Variants in MCM9 observed in about 807,000 individuals in gnomAD.
The protein encoded by MCM9 is DNA helicase MCM9.
In MCM9, 55 loss-of-function variants were observed where a neutral mutation model predicts 72.8. The ratio of observed to expected loss-of-function variants is 0.76; its 90% CI spans 0.61 to 0.95. The LOEUF (loss-of-function observed/expected upper bound fraction) is 0.95, where lower values mean the gene tolerates loss of function less well. Ranked by LOEUF, MCM9 falls within the 40% of genes least tolerant of loss-of-function variation. The pLI is 0.00. For synonymous variants in MCM9, 480 were observed against 503.4 expected, an observed-to-expected ratio of 0.95 and a Z score of 0.62; for missense variants, 1,279 against 1,377.0, an observed-to-expected ratio of 0.93 and a Z score of 1.13.
At chr6:118,927,152 T>C (rs993920239) in intron 3 of MCM9, among the ~76,000 whole-genome samples, 3 of 152,226 alleles carry the variant, frequency 2.0e-5, no homozygotes, top group African/African-American at 7.2e-5. Flanking sequence ...CAGATGCAAA[T>C]TGATTGTTCA....
chr6:118,818,321 A>G (rs777827963), intron 13 of MCM9, among the ~76,000 whole-genome samples: 2 of 152,118 alleles, frequency 1.3e-5, no homozygotes, highest in Admixed American at 6.5e-5. Flanking sequence ...TGTAAGGAGC[A>G]GGTCCAGTTT....
chr6:118,814,513 C>T lies in MCM9; in HGVS notation c.*311G>A, dbSNP rs1191535476. On this transcript the variant is annotated 3_prime_UTR_variant, in exon 14 of 14. Transcript: ENST00000619706. ...ATTAATCTAGGGAAGAACCTCTCCC[C>T]CTTAAAAACAAAACAAAACAAAAAA... is the stretch of plus-strand genomic sequence containing the variant. The T allele has an allele frequency of 1.4e-5, 3 of 215,012 alleles. No homozygotes were observed. Among genetic ancestry groups the T allele is most frequent in the Non-Finnish European group, 2.7e-5 (3 of 110,246 alleles). The allele number at this position is 215,012 out of a possible 1,614,324, so 13.3% of individuals were successfully genotyped here. A position where few individuals can be genotyped will look rare whatever the true frequency, so the allele number is the denominator to read the frequency against.
At chr6:118,911,877 G>C (rs1780581548) in intron 7 of MCM9, 108 bp from the exon 8 acceptor site, 1 of 746,806 alleles carries the variant, frequency 1.3e-6, no homozygotes. Context: ...ACATAGGGTC[G>C]TTTGAGAAAG....
At chr6:118,929,065 C>A (rs867901018) in intron 3 of MCM9, among the ~76,000 whole-genome samples, 46 of 150,636 alleles carry the variant, frequency 3.1e-4, no homozygotes, top group African/African-American at 1.0e-3. Flanking sequence ...ACCAAAAATA[C>A]AAAAATTAGC....
intron 5 of MCM9, chr6:118,921,718 T>C (rs1169183807): frequency 8.1e-6 from 2 of 246,854 alleles, no homozygotes; most frequent in Non-Finnish European, 7.7e-6. Context: ...TAGACATCAG[T>C]GGTTCTGGAT....
At chr6:118,916,705 T>C (rs193062440) in intron 6 of MCM9, among the ~76,000 whole-genome samples, 30 of 152,252 alleles carry the variant, frequency 2.0e-4, no homozygotes, top group Admixed American at 1.2e-3. Flanking sequence ...TTTCACCATG[T>C]TGGCCAGGCT....
intron 8 of MCM9, among the ~76,000 whole-genome samples, chr6:118,857,063 T>C (rs1776606838): frequency 6.6e-6 from 1 of 152,158 alleles, no homozygotes; most frequent in Non-Finnish European, 1.5e-5. Flanking sequence ...GTAAGGTGTG[T>C]TCTCCAGTAT....
At chr6:118,868,709 CAAT>C (rs1302003922) in intron 8 of MCM9, among the ~76,000 whole-genome samples, 1 of 152,170 alleles carries the variant, frequency 6.6e-6, no homozygotes, top group African/African-American at 2.4e-5. Flanking sequence ...ATGAAAACCA[CAAT>C]GAGATACCAT....
intron 8 of MCM9, among the ~76,000 whole-genome samples, chr6:118,886,368 GAA>G (rs1778601496): frequency 6.8e-6 from 1 of 147,592 alleles, no homozygotes; most frequent in Non-Finnish European, 1.5e-5. Context: ...GAGAGAGAGA[GAA>G]AGAAAAAGAA....
chr6:118,817,319 T>A (rs894580800), intron 13 of MCM9, among the ~76,000 whole-genome samples: 1 of 151,316 alleles, frequency 6.6e-6, no homozygotes, highest in Admixed American at 6.6e-5. Flanking sequence ...CCCCAGTGTG[T>A]GACATTCTCC....
intron 8 of MCM9, among the ~76,000 whole-genome samples, chr6:118,906,944 C>T (rs993721860): frequency 1.4e-4 from 22 of 152,144 alleles, no homozygotes; most frequent in African/African-American, 5.3e-4. Flanking sequence ...ACAAAAGAAA[C>T]AGGACTGTTT....
At chr6:118,877,749 G>A (rs1376419265) in intron 8 of MCM9, among the ~76,000 whole-genome samples, 3 of 152,152 alleles carry the variant, frequency 2.0e-5, no homozygotes, top group Non-Finnish European at 2.9e-5. Context: ...AGGTAAAAGA[G>A]GGCTCATCAT....
intron 9 of MCM9, among the ~76,000 whole-genome samples, chr6:118,836,852 C>G (rs1019692095): frequency 6.6e-6 from 1 of 152,088 alleles, no homozygotes; most frequent in African/African-American, 2.4e-5. Flanking sequence ...CAGTTTTGCT[C>G]TGATCTTAGT....
At chr6:118,816,681 A>G (rs1253180154) in intron 13 of MCM9, among the ~76,000 whole-genome samples, 1 of 152,238 alleles carries the variant, frequency 6.6e-6, no homozygotes, top group Non-Finnish European at 1.5e-5. Context: ...CTACCCACAC[A>G]GTAGCTGATT....
intron 8 of MCM9, among the ~76,000 whole-genome samples, chr6:118,884,574 C>T (rs1778484524): frequency 6.6e-6 from 1 of 151,586 alleles, no homozygotes; most frequent in African/African-American, 2.4e-5. Flanking sequence ...AGGAATGCAA[C>T]CGTATCAGTA....
chr6:118,888,559 A>G (rs1303484525), intron 8 of MCM9, among the ~76,000 whole-genome samples: 2 of 152,196 alleles, frequency 1.3e-5, no homozygotes, highest in Non-Finnish European at 2.9e-5. Flanking sequence ...TTACCCAGCA[A>G]TTCCACTCCT....
intron 7 of MCM9, 156 bp from the exon 8 acceptor site, chr6:118,911,925 A>G (rs1780584617): frequency 3.5e-6 from 2 of 574,548 alleles, no homozygotes; most frequent in African/African-American, 3.7e-5. Context: ...TAACTGTCAT[A>G]AACAGTCCTT....
At chr6:118,926,569 T>C (rs6916491) in intron 3 of MCM9, among the ~76,000 whole-genome samples, 47,579 of 152,116 alleles carry the variant, frequency 0.31, 8,659 homozygotes, top group East Asian at 0.68. Flanking sequence ...TTACTTAGAA[T>C]AATGTTTTCA....
rs755417692 is a variant in MCM9, at chr6:118,894,382, C to A, written c.1150+17268G>T. On this transcript the variant is annotated intron_variant, in intron 8 of 13. Transcript: ENST00000619706. ...GGACTTTATTGTGCCGCAACCAGCC[C>A]CAGTTCCCATTGTTTGTGTTTTTTT... 65 of 1,536,734 alleles carry A rather than the reference C, an allele frequency of 4.2e-5. No individual in the cohort carries two copies. In the East Asian group the frequency reaches 8.3e-4, roughly 20 times the overall value.
Sources: gnomAD v4.1 joint callset for allele counts (sites outside exome capture counted in the v4.1 genomes callset) on GRCh38, gnomAD v4.1.1 for gene constraint, MANE v1.5 for transcripts, NCBI Gene and HGNC (gene_info 2026-07-23, HGNC 2026-07-21) for gene names.